The following CDH7 variants were observed in gnomAD, a reference collection of about 807,000 sequenced individuals.
The protein encoded by CDH7 is cadherin-7.
A neutral mutation model predicts 71.8 loss-of-function variants in CDH7; 25 were observed. The observed-to-expected ratio is 0.35, with a 90% CI of 0.25 to 0.49. The LOEUF (loss-of-function observed/expected upper bound fraction) is 0.49, where lower values mean the gene tolerates loss of function less well. Among genes scored for constraint, CDH7 ranks in the 20% least tolerant of loss-of-function variants. The pLI, the probability that CDH7 is intolerant of heterozygous loss-of-function variation, is 0.99. For synonymous variants in CDH7, 381 were observed against 363.8 expected (o/e 1.05, Z -0.54); for missense variants, 862 against 974.6 (o/e 0.88, Z 1.54).
At chr18:65,850,835 A>T (rs1913125521) in intron 7 of CDH7, among the ~76,000 whole-genome samples, 1 of 147,182 alleles carries the variant, frequency 6.8e-6, no homozygotes, top group Non-Finnish European at 1.5e-5. Context: ...TTTTTGAGAC[A>T]GGTCCTCAGT....
At chr18:65,872,972 A>C (rs1913971338) in intron 11 of CDH7, among the ~76,000 whole-genome samples, 1 of 151,978 alleles carries the variant, frequency 6.6e-6, no homozygotes, top group African/African-American at 2.4e-5. Context: ...CAATTTTTGA[A>C]ATTAAAAAAG....
intron 2 of CDH7, among the ~76,000 whole-genome samples, chr18:65,782,134 CT>C (rs1213569589): frequency 1.2e-5 from 1 of 84,510 alleles, no homozygotes; most frequent in African/African-American, 7.8e-5. Context: ...TTCTTTCTTT[CT>C]TTCTTTCTTT....
Position 65,887,617 on chromosome 18 carries a change from T to G in CDH7, c.*6723T>G, listed in dbSNP as rs1914405323. 1 of 152,166 alleles carries G rather than the reference T, an allele frequency of 6.6e-6. No individual in the cohort carries two copies. Among genetic ancestry groups the G allele is most frequent in the Non-Finnish European group, 1.5e-5 (1 of 68,030 alleles). The allele number at this position is 152,166 out of a possible 1,614,324, so 9.4% of individuals were successfully genotyped here. A position where few individuals can be genotyped will look rare whatever the true frequency, so the allele number is the denominator to read the frequency against. Reference sequence around the variant, plus strand: ...TGTGTGTGTGTATATATAGACAGCATGCGCACACATACATACACGTGTGCA... The same window carrying G: ...TGTGTGTGTGTATATATAGACAGCAGGCGCACACATACATACACGTGTGCA... On this transcript the variant is annotated 3_prime_UTR_variant, in exon 12 of 12. Coordinates refer to ENST00000397968, the MANE Select transcript of CDH7 (RefSeq NM_004361.5).
rs146090692 is a variant in CDH7 at position 65,783,180 on chromosome 18, T to C, written c.210+20128T>C. On this transcript the variant is annotated intron_variant, in intron 2 of 11. Transcript: ENST00000397968. ...CAATAATAAATATCAACTCTATCTA[T>C]TCAGGAAAGAGTAAGCATTTGGACC... is the stretch of plus-strand genomic sequence containing the variant. 7.9e-5 allele frequency among the ~76,000 whole-genome samples: 12 copies of C among 152,310 alleles called. No individual in the cohort carries two copies. In the Middle Eastern group the frequency reaches 0.01, roughly 130 times the overall value.
intron 2 of CDH7, among the ~76,000 whole-genome samples, chr18:65,795,191 A>AT (rs1225161703): frequency 1.3e-5 from 2 of 152,208 alleles, no homozygotes; most frequent in Non-Finnish European, 2.9e-5. Context: ...GAGTCAGCTC[A>AT]TAACAATGAT....
intron 6 of CDH7, among the ~76,000 whole-genome samples, chr18:65,842,227 C>T (rs768019119): frequency 6.6e-6 from 1 of 151,930 alleles, no homozygotes; most frequent in African/African-American, 2.4e-5. Context: ...TTTATTGAGA[C>T]TCCCCTATGT....
chr18:65,753,113 G>A (rs144529529), intron 1 of CDH7, among the ~76,000 whole-genome samples: 4 of 152,282 alleles, frequency 2.6e-5, no homozygotes, highest in Non-Finnish European at 5.9e-5. Context: ...AGCACGCGGA[G>A]TTGGCCACTG....
At chr18:65,805,854 A>G (rs1236693227) in intron 2 of CDH7, among the ~76,000 whole-genome samples, 1 of 152,164 alleles carries the variant, frequency 6.6e-6, no homozygotes, top group African/African-American at 2.4e-5. Context: ...ATAATTTAAT[A>G]TATGTTTTAG....
chr18:65,832,813 C>A (rs563709123), intron 6 of CDH7, among the ~76,000 whole-genome samples: 43 of 151,660 alleles, frequency 2.8e-4, no homozygotes, highest in African/African-American at 1.0e-3. Flanking sequence ...TAATTTTTTT[C>A]TTTAATATAT....
chr18:65,824,807 G>A lies in CDH7; in HGVS notation c.957G>A (p.Gln319=). ...AGATTTCTGTTGACAAAGAAACCCA[G>A]GAAGGAATCATTACTATACAGAAGG... is the stretch of plus-strand genomic sequence containing the variant. ...IFKISVDKET[Q]EGIITIQKEL... is the part of the protein sequence containing the mutation. The change falls in exon 6 of 12, where the codon CAG becomes CAA. Residue 319 remains glutamine, a synonymous_variant. Coordinates refer to ENST00000397968, the MANE Select transcript of CDH7 (RefSeq NM_004361.5). 6.2e-7 allele frequency: 1 copy of A among 1,610,798 alleles called. No homozygotes were observed. Among genetic ancestry groups the A allele is most frequent in the Non-Finnish European group, 8.5e-7 (1 of 1,177,586 alleles).
intron 4 of CDH7, among the ~76,000 whole-genome samples, chr18:65,821,144 C>A (rs56075860): frequency 0.87 from 130,212 of 149,316 alleles, 57,730 homozygotes; most frequent in East Asian, 0.99. Flanking sequence ...AAAAAAAAAA[C>A]AAGAAAAGAA....
intron 2 of CDH7, among the ~76,000 whole-genome samples, chr18:65,792,991 G>A (rs2143862254): frequency 6.6e-6 from 1 of 152,180 alleles, no homozygotes; most frequent in South Asian, 2.1e-4. Context: ...TGTACTCCGT[G>A]GAGCATCAGC....
rs1326356643 is a variant in CDH7 at position 65,781,894 on chromosome 18, T to C, written c.210+18842T>C. 3.9e-4 allele frequency among the ~76,000 whole-genome samples: 23 copies of C among 59,388 alleles called. 1 individual carries two copies. Among genetic ancestry groups the C allele is most frequent in the African/African-American group, 1.8e-3 (17 of 9,584 alleles). 39.0% of individuals were successfully genotyped at this position (59,388 alleles called of 152,430 possible). A position where few individuals can be genotyped will look rare whatever the true frequency, so the allele number is the denominator to read the frequency against. The stretch of plus-strand genomic sequence containing the variant: ...TCTCTCTCTCTGTCTCTCTCTCTCT[T>C]TCTCTCTATCTTTCTCTCTTTCTCT... On this transcript the variant is annotated intron_variant, in intron 2 of 11. Transcript: ENST00000397968.
chr18:65,774,544 A>G (rs1476249992), intron 2 of CDH7, among the ~76,000 whole-genome samples: 4 of 151,974 alleles, frequency 2.6e-5, no homozygotes, highest in African/African-American at 9.7e-5. Flanking sequence ...GTGGTAATAC[A>G]TTGCACAGCT....
At position 65,790,518 on chromosome 18, in the gene CDH7, T is replaced by A. The variant is rs1378438925; in HGVS notation, c.211-19186T>A. Among the ~76,000 whole-genome samples, 5 of 152,134 alleles carry A rather than the reference T, an allele frequency of 3.3e-5. No individual in the cohort carries two copies. The East Asian group carries it at 9.7e-4, about 29-fold the overall frequency. On this transcript the variant is annotated intron_variant, in intron 2 of 11. Coordinates refer to ENST00000397968, the MANE Select transcript of CDH7 (RefSeq NM_004361.5). ...TTCTGTTCACCCAAGTAGTCAGGAA[T>A]ACTATTTTAAAAAATGCTACATTAA...
Position 65,848,143 on chromosome 18 carries a change from G to A in CDH7, c.1235+4078G>A, listed in dbSNP as rs373519398. ...ATTGTGGTCTGCTGATTCTGGTCACGTTTCTGAGTGATAGAAACTTCACTT... is the reference window on the plus strand; with the variant it reads ...ATTGTGGTCTGCTGATTCTGGTCACATTTCTGAGTGATAGAAACTTCACTT... On this transcript the variant is annotated intron_variant, in intron 7 of 11. Transcript: ENST00000397968. 2.5e-3 allele frequency among the ~76,000 whole-genome samples: 383 copies of A among 152,120 alleles called. 5 individuals carry two copies. In the South Asian group the frequency reaches 0.038, roughly 15 times the overall value.
intron 6 of CDH7, among the ~76,000 whole-genome samples, chr18:65,843,296 T>C (rs1246164602): frequency 6.6e-6 from 1 of 152,136 alleles, no homozygotes; most frequent in Non-Finnish European, 1.5e-5. Context: ...CTGGCCATGT[T>C]TGCAGATTGA....
In CDH7 at chr18:65,888,106, G is replaced by A. The variant is rs1393911617; in HGVS notation, c.*7212G>A. On this transcript the variant is annotated 3_prime_UTR_variant, in exon 12 of 12. Coordinates refer to ENST00000397968, the MANE Select transcript of CDH7 (RefSeq NM_004361.5). ...TCAGGATGTATGTCCAAACTGAATAGATTATTTTCGTTCAGCTCAAGTGCT... is the reference window on the plus strand; with the variant it reads ...TCAGGATGTATGTCCAAACTGAATAAATTATTTTCGTTCAGCTCAAGTGCT... 2 of 152,110 alleles carry A rather than the reference G, an allele frequency of 1.3e-5. No individual in the cohort carries two copies. The highest frequency in any genetic ancestry group is 6.6e-5 in the Admixed American group (1 of 15,258). The allele number at this position is 152,110 out of a possible 1,614,324, so 9.4% of individuals were successfully genotyped here. A position where few individuals can be genotyped will look rare whatever the true frequency, so the allele number is the denominator to read the frequency against.
rs529062598 is a variant in CDH7 at position 65,884,279 on chromosome 18, A to C, written c.*3385A>C. On this transcript the variant is annotated 3_prime_UTR_variant, in exon 12 of 12. Coordinates refer to ENST00000397968, the MANE Select transcript of CDH7 (RefSeq NM_004361.5). ...ATATTCCAAGATCAGCCAGCTAAGG[A>C]ACAAAATCAGGAAAGAGACATCAAT... The C allele has an allele frequency of 9.2e-5, 14 of 152,302 alleles. No individual in the cohort carries two copies. Among genetic ancestry groups the C allele is most frequent in the South Asian group, 8.3e-4 (4 of 4,826 alleles). The allele number at this position is 152,302 out of a possible 1,614,324, so 9.4% of individuals were successfully genotyped here. A position where few individuals can be genotyped will look rare whatever the true frequency, so the allele number is the denominator to read the frequency against.
Sources: allele counts gnomAD v4.1 joint callset (sites outside exome capture counted in the v4.1 genomes callset), GRCh38; gene constraint gnomAD v4.1.1; transcripts MANE v1.5; gene names NCBI Gene and HGNC (gene_info 2026-07-23, HGNC 2026-07-21).